Variants in MACROD2 observed in about 807,000 individuals in gnomAD.
The protein encoded by MACROD2 is ADP-ribose glycohydrolase MACROD2.
MACROD2 carries 36 observed loss-of-function variants against 70.4 expected under a neutral mutation model. The observed-to-expected ratio is 0.51, with a 90% CI of 0.39 to 0.68. The LOEUF is 0.68. Ranked by LOEUF, MACROD2 falls within the 30% of genes least tolerant of loss-of-function variation. The pLI, the probability that MACROD2 is intolerant of heterozygous loss-of-function variation, is 0.00. For missense variants in MACROD2, 496 were observed against 538.4 expected, an observed-to-expected ratio of 0.92 and a Z score of 0.78; for synonymous variants, 172 against 178.8, an observed-to-expected ratio of 0.96 and a Z score of 0.30.
Position 15,567,101 on chromosome 20 carries a change from G to GT in MACROD2, c.645+67264dup, listed in dbSNP as rs760245453. On this transcript the variant is annotated intron_variant, in intron 8 of 17. Coordinates refer to ENST00000684519, the MANE Select transcript of MACROD2 (RefSeq NM_001351661.2). ...CTCTGTTTTAAATAACTATTGTGGG[G>GT]TTTTTTTTTTCAGAAAATTATTTAA... Among the ~76,000 whole-genome samples, 31 of 149,510 alleles carry GT rather than the reference G, an allele frequency of 2.1e-4. No homozygotes were observed. In the South Asian group the frequency reaches 2.3e-3, roughly 11 times the overall value.
chr20:14,370,900 A>C (rs1157383581), intron 3 of MACROD2, among the ~76,000 whole-genome samples: 1 of 152,230 alleles, frequency 6.6e-6, no homozygotes, highest in Non-Finnish European at 1.5e-5. Context: ...GTAAATGTGC[A>C]GATGAAAATA....
intron 3 of MACROD2, among the ~76,000 whole-genome samples, chr20:14,403,478 G>C (rs1437796439): frequency 6.6e-6 from 1 of 152,128 alleles, no homozygotes; most frequent in Admixed American, 6.5e-5. Flanking sequence ...TTCAGTAAAT[G>C]ATCAGAACTT....
chr20:14,466,398 G>T (rs967282872), intron 3 of MACROD2, among the ~76,000 whole-genome samples: 2 of 151,954 alleles, frequency 1.3e-5, no homozygotes, highest in Non-Finnish European at 2.9e-5. Flanking sequence ...GTCCTTTAAG[G>T]ACTTCTCTGC....
intron 8 of MACROD2, among the ~76,000 whole-genome samples, chr20:15,752,708 C>T (rs1423489813): frequency 6.6e-6 from 1 of 152,076 alleles, no homozygotes; most frequent in African/African-American, 2.4e-5. Context: ...TGTGATATTC[C>T]ATTTCGCTGG....
intron 3 of MACROD2, among the ~76,000 whole-genome samples, chr20:14,225,166 T>C (rs2081720648): frequency 6.6e-6 from 1 of 152,204 alleles, no homozygotes; most frequent in African/African-American, 2.4e-5. Context: ...TTCAGAATAA[T>C]TGCAAGGTGA....
At chr20:15,998,713 C>T (rs192675116) in intron 15 of MACROD2, among the ~76,000 whole-genome samples, 51 of 151,718 alleles carry the variant, frequency 3.4e-4, no homozygotes, top group African/African-American at 9.4e-4. Flanking sequence ...TACAGGCACC[C>T]GCCACCAAGC....
intron 6 of MACROD2, among the ~76,000 whole-genome samples, chr20:15,379,679 C>G (rs2045614107): frequency 6.6e-6 from 1 of 152,172 alleles, no homozygotes; most frequent in Non-Finnish European, 1.5e-5. Context: ...TCCTCTCTGT[C>G]TCCACCATTA....
At chr20:15,920,489 T>C (rs2065387425) in intron 10 of MACROD2, among the ~76,000 whole-genome samples, 1 of 152,232 alleles carries the variant, frequency 6.6e-6, no homozygotes, top group Admixed American at 6.5e-5. Context: ...CTAGAAGTTA[T>C]TCTAGAGGGA....
intron 5 of MACROD2, among the ~76,000 whole-genome samples, chr20:14,861,995 A>ATATATATATATATTTATATATATT (rs1568838593): frequency 3.5e-5 from 1 of 28,540 alleles, no homozygotes; most frequent in Non-Finnish European, 6.7e-5. Flanking sequence ...ATATATATTT[A>ATATATATATATATTTATATATATT]TATATATATT....
At chr20:14,407,235 G>A (rs1235160331) in intron 3 of MACROD2, among the ~76,000 whole-genome samples, 1 of 151,728 alleles carries the variant, frequency 6.6e-6, no homozygotes, top group Non-Finnish European at 1.5e-5. Flanking sequence ...TTCTCTTGGG[G>A]TTTCATCTGT....
At chr20:15,228,308 T>C (rs766262624) in intron 5 of MACROD2, among the ~76,000 whole-genome samples, 1 of 152,148 alleles carries the variant, frequency 6.6e-6, no homozygotes, top group Non-Finnish European at 1.5e-5. Flanking sequence ...TAGTGAAGTT[T>C]TGTATGCCTC....
At chr20:14,289,223 A>G (rs560087719) in intron 3 of MACROD2, among the ~76,000 whole-genome samples, 3 of 152,332 alleles carry the variant, frequency 2.0e-5, no homozygotes, top group African/African-American at 7.2e-5. Context: ...TTGTGGATTC[A>G]TGCAGATGTC....
At chr20:14,677,120 T>C (rs2070871346) in intron 4 of MACROD2, among the ~76,000 whole-genome samples, 1 of 152,180 alleles carries the variant, frequency 6.6e-6, no homozygotes, top group African/African-American at 2.4e-5. Context: ...CTTGTTCATT[T>C]GCTTATAAAA....
intron 6 of MACROD2, among the ~76,000 whole-genome samples, chr20:15,237,448 T>C (rs1468654407): frequency 1.3e-5 from 2 of 152,198 alleles, no homozygotes; most frequent in African/African-American, 4.8e-5. Context: ...ATGTTGAAAA[T>C]AGAATTTTAC....
intron 2 of MACROD2, among the ~76,000 whole-genome samples, chr20:14,049,324 G>A (rs1400770893): frequency 2.6e-5 from 4 of 151,992 alleles, no homozygotes; most frequent in South Asian, 2.1e-4. Flanking sequence ...AGAGAAAACC[G>A]CAACTGAAAG....
chr20:15,848,791 G>T (rs1312060291), intron 8 of MACROD2, among the ~76,000 whole-genome samples: 3 of 152,056 alleles, frequency 2.0e-5, no homozygotes, highest in African/African-American at 7.2e-5. Flanking sequence ...CCCTAAGTCA[G>T]TTAGTAGTCA....
intron 12 of MACROD2, among the ~76,000 whole-genome samples, chr20:15,941,221 G>A (rs1392501991): frequency 6.6e-6 from 1 of 152,110 alleles, no homozygotes; most frequent in Non-Finnish European, 1.5e-5. Context: ...GACTAAATGT[G>A]AAGTTTTATG....
In MACROD2 at chr20:14,797,674, A is replaced by C. The variant is rs201561189; in HGVS notation, c.418+112715A>C. Among the ~76,000 whole-genome samples, 11 of 152,054 alleles carry C rather than the reference A, an allele frequency of 7.2e-5. No individual in the cohort carries two copies. In the East Asian group the frequency reaches 2.1e-3, roughly 29 times the overall value. ...TTTGTAGCACTGGCTGCTTTCTTTC[A>C]CAGCACATATAGCTGTAGATTTTTA... On this transcript the variant is annotated intron_variant, in intron 5 of 17. Coordinates refer to ENST00000684519, the MANE Select transcript of MACROD2 (RefSeq NM_001351661.2).
intron 3 of MACROD2, among the ~76,000 whole-genome samples, chr20:14,337,873 T>C (rs949707468): frequency 2.0e-5 from 3 of 152,212 alleles, no homozygotes; most frequent in African/African-American, 7.2e-5. Flanking sequence ...AAGGCAGTGG[T>C]AGCATACTTA....
Sources: allele counts gnomAD v4.1 joint callset (sites outside exome capture counted in the v4.1 genomes callset), GRCh38; gene constraint gnomAD v4.1.1; transcripts MANE v1.5; gene names NCBI Gene and HGNC (gene_info 2026-07-23, HGNC 2026-07-21).